TOP6BL: variants seen among roughly 807,000 people sequenced by gnomAD.
TOP6BL encodes the protein type 2 DNA topoisomerase 6 subunit B-like.
chr11:66,774,046 A>G, the TOP6BL span, among the ~76,000 whole-genome samples: 1 of 152,330 alleles, frequency 6.6e-6, no homozygotes, highest in African/African-American at 2.4e-5. Flanking sequence ...TTTCTTTAAT[A>G]GTGCTAAAGT....
chr11:66,792,580 G>T, the TOP6BL span, among the ~76,000 whole-genome samples: 2 of 152,186 alleles, frequency 1.3e-5, no homozygotes, highest in Admixed American at 1.3e-4. Context: ...GAGTTAGTCA[G>T]CTCTAGGTTT....
the TOP6BL span, among the ~76,000 whole-genome samples, chr11:66,782,331 C>G: frequency 1.3e-5 from 2 of 152,202 alleles, no homozygotes; most frequent in Non-Finnish European, 2.9e-5. Context: ...GTTACATTCT[C>G]AACTCCATAG....
chr11:66,795,990 C>T, the TOP6BL span: 1 of 271,396 alleles, frequency 3.7e-6, no homozygotes, highest in Non-Finnish European at 7.0e-6. Context: ...CAACTTCAGT[C>T]TGAATTACTT....
chr11:66,747,030 G>C, the TOP6BL span, among the ~76,000 whole-genome samples: 1 of 151,694 alleles, frequency 6.6e-6, no homozygotes, highest in African/African-American at 2.4e-5. Context: ...TCCACCTCCC[G>C]AGTTCAAGCA....
At chr11:66,815,949 C>A in the TOP6BL span, 1 of 1,173,458 alleles carries the variant, frequency 8.5e-7, no homozygotes, top group African/African-American at 1.5e-5. Flanking sequence ...ATTTAGATCT[C>A]CTATTCTCAG....
the TOP6BL span, chr11:66,828,544 G>T: frequency 1.8e-6 from 1 of 561,918 alleles, no homozygotes; most frequent in Non-Finnish European, 3.2e-6. Flanking sequence ...CTATCCCACT[G>T]GTTGCCTGGT....
the TOP6BL span, chr11:66,842,736 G>A: frequency 9.3e-7 from 1 of 1,071,006 alleles, no homozygotes; most frequent in Non-Finnish European, 1.3e-6. Flanking sequence ...CTGCTGACAG[G>A]GATGCGGTGG....
At chr11:66,838,303 C>G in the TOP6BL span, 6 of 1,446,790 alleles carry the variant, frequency 4.1e-6, no homozygotes, top group Admixed American at 1.7e-5. Flanking sequence ...CAGGCACACT[C>G]CTGTTTCACT....
the TOP6BL span, among the ~76,000 whole-genome samples, chr11:66,808,847 G>A: frequency 6.6e-6 from 1 of 152,178 alleles, no homozygotes. Context: ...ACTGTCTAAT[G>A]TATATTTAAT....
At chr11:66,798,109 T>C in the TOP6BL span, among the ~76,000 whole-genome samples, 1 of 152,206 alleles carries the variant, frequency 6.6e-6, no homozygotes, top group Non-Finnish European at 1.5e-5. Context: ...TCAGGCAGTC[T>C]GGTTCTAGAG....
chr11:66,802,573 C>T, the TOP6BL span, among the ~76,000 whole-genome samples: 5 of 152,158 alleles, frequency 3.3e-5, no homozygotes, highest in Non-Finnish European at 2.9e-5. Context: ...GCTGGGATTA[C>T]AGATGTGAGC....
chr11:66,807,671 A>G, the TOP6BL span, among the ~76,000 whole-genome samples: 1 of 152,220 alleles, frequency 6.6e-6, no homozygotes, highest in African/African-American at 2.4e-5. Context: ...TGAATTACAG[A>G]GAGCTGAGCC....
chr11:66,809,991 A>G, the TOP6BL span, among the ~76,000 whole-genome samples: 6 of 152,232 alleles, frequency 3.9e-5, no homozygotes, highest in Non-Finnish European at 5.9e-5. Context: ...AATATGAAGA[A>G]AATTATACCA....
At chr11:66,753,005 T>G in the TOP6BL span, among the ~76,000 whole-genome samples, 1 of 151,964 alleles carries the variant, frequency 6.6e-6, no homozygotes, top group South Asian at 2.1e-4. Flanking sequence ...AGTATGCGGC[T>G]GTAGTCCTAG....
At chr11:66,789,354 C>T in the TOP6BL span, among the ~76,000 whole-genome samples, 1 of 152,168 alleles carries the variant, frequency 6.6e-6, no homozygotes, top group South Asian at 2.1e-4. Flanking sequence ...GGTCTCTCAT[C>T]TCCTATTTTC....
the TOP6BL span, among the ~76,000 whole-genome samples, chr11:66,799,207 CAAAAA>C: frequency 1.7e-4 from 7 of 41,858 alleles, no homozygotes; most frequent in Admixed American, 8.1e-4. Flanking sequence ...ACTCTGTCTC[CAAAAA>C]AAAAAAAAAA....
At chr11:66,770,449 A>C in the TOP6BL span, among the ~76,000 whole-genome samples, 1 of 152,174 alleles carries the variant, frequency 6.6e-6, no homozygotes, top group African/African-American at 2.4e-5. Context: ...CATGCCTGTA[A>C]TACCAGCGCT....
the TOP6BL span, chr11:66,761,697 G>A: frequency 1.1e-6 from 1 of 877,974 alleles, no homozygotes; most frequent in Admixed American, 1.9e-5. Flanking sequence ...TGGTCCGCAA[G>A]GAAATCCATT....
At chr11:66,800,592 C>A in the TOP6BL span, 1 of 1,445,090 alleles carries the variant, frequency 6.9e-7, no homozygotes. Flanking sequence ...AGTTTTTAAT[C>A]TGTATCTTGG....
Sources: gnomAD v4.1 joint callset for allele counts (sites outside exome capture counted in the v4.1 genomes callset) on GRCh38, gnomAD v4.1.1 for gene constraint, MANE v1.5 for transcripts, NCBI Gene and HGNC (gene_info 2026-07-23, HGNC 2026-07-21) for gene names.